ERI3: variants seen among roughly 807,000 people sequenced by gnomAD.
The protein encoded by ERI3 is ERI1 exoribonuclease family member 3.
Under a neutral mutation model 44.4 loss-of-function variants are expected in ERI3, and 18 were observed. The ratio of observed to expected loss-of-function variants is 0.41; its 90% CI spans 0.28 to 0.60. The LOEUF (loss-of-function observed/expected upper bound fraction) is 0.60, where lower values mean the gene tolerates loss of function less well. Among genes scored for constraint, ERI3 ranks in the 20% least tolerant of loss-of-function variants. The pLI, the probability that ERI3 is intolerant of heterozygous loss-of-function variation, is 0.36. For missense variants in ERI3, 294 were observed against 435.5 expected (o/e 0.68, Z 2.89); for synonymous variants, 183 against 164.8 (o/e 1.11, Z -0.84).
At chr1:44,272,455 G>A (rs750465927) in intron 7 of ERI3, among the ~76,000 whole-genome samples, 20 of 152,142 alleles carry the variant, frequency 1.3e-4, no homozygotes, top group Non-Finnish European at 2.2e-4. Context: ...AGGACTCAGC[G>A]TATATACCAT....
intron 3 of ERI3, among the ~76,000 whole-genome samples, chr1:44,333,065 A>G (rs781679545): frequency 1.3e-5 from 2 of 152,174 alleles, no homozygotes; most frequent in Non-Finnish European, 2.9e-5. Flanking sequence ...GTACAAGAAC[A>G]CTTACAGCTC....
At chr1:44,257,862 C>G (rs1338977369) in intron 7 of ERI3, among the ~76,000 whole-genome samples, 1 of 152,216 alleles carries the variant, frequency 6.6e-6, no homozygotes, top group African/African-American at 2.4e-5. Context: ...CTCGCAGAAG[C>G]TGGCCCTTCA....
intron 8 of ERI3, among the ~76,000 whole-genome samples, chr1:44,222,864 T>G (rs1180154562): frequency 6.6e-6 from 1 of 152,186 alleles, no homozygotes; most frequent in Non-Finnish European, 1.5e-5. Flanking sequence ...GGGGGGGTAT[T>G]AAGGTCAAGG....
rs772172859 is a variant in ERI3 at position 44,238,827 on chromosome 1, G to A, written c.931+9112C>T. Among the ~76,000 whole-genome samples the A allele has an allele frequency of 2.6e-5, 4 of 152,148 alleles. No individual in the cohort carries two copies. The South Asian group carries it at 6.2e-4, about 24-fold the overall frequency. On this transcript the variant is annotated intron_variant, in intron 8 of 8. Coordinates refer to ENST00000372257, the MANE Select transcript of ERI3 (RefSeq NM_024066.3). ...CTGCATCTACCCTGCAGGAGGAGGGGAGGAAGAGTCCCCTCCTCCTCCTCC... is the reference window on the plus strand; with the variant it reads ...CTGCATCTACCCTGCAGGAGGAGGGAAGGAAGAGTCCCCTCCTCCTCCTCC...
At chr1:44,337,649 G>A (rs1240741413) in intron 3 of ERI3, among the ~76,000 whole-genome samples, 8 of 152,156 alleles carry the variant, frequency 5.3e-5, no homozygotes, top group Admixed American at 4.6e-4. Context: ...GTGCCTCAAA[G>A]GCAGACCAAT....
In ERI3 at chr1:44,246,825, G is replaced by A. The variant is rs547335540; in HGVS notation, c.931+1114C>T. On this transcript the variant is annotated intron_variant, in intron 8 of 8. Transcript: ENST00000372257. ...TCCACAAGGTACCAGTGAATGTCTG[G>A]AATGGATAAAGGATCTACTCTGAAG... Among the ~76,000 whole-genome samples the A allele has an allele frequency of 4.6e-5, 7 of 152,306 alleles. No homozygotes were observed. In the South Asian group the frequency reaches 1.4e-3, roughly 32 times the overall value.
intron 8 of ERI3, among the ~76,000 whole-genome samples, chr1:44,245,246 C>T (rs1370869945): frequency 6.6e-6 from 1 of 152,220 alleles, no homozygotes; most frequent in Non-Finnish European, 1.5e-5. Context: ...GCCTCCCCTT[C>T]CCCGCCTCTC....
intron 3 of ERI3, among the ~76,000 whole-genome samples, chr1:44,335,524 C>G (rs1472113978): frequency 2.6e-5 from 4 of 152,036 alleles, no homozygotes; most frequent in Non-Finnish European, 4.4e-5. Context: ...CTTTGGGAGG[C>G]TGAGGCGGGT....
intron 2 of ERI3, among the ~76,000 whole-genome samples, 157 bp downstream of exon 2, chr1:44,352,693 T>C (rs978162787): frequency 3.3e-5 from 5 of 152,168 alleles, no homozygotes; most frequent in African/African-American, 9.7e-5. Context: ...CATATGTTAC[T>C]TTATCAGAAG....
chr1:44,288,848 A>G (rs1044897097), intron 6 of ERI3, among the ~76,000 whole-genome samples: 8 of 149,812 alleles, frequency 5.3e-5, no homozygotes, highest in African/African-American at 1.2e-4. Context: ...ATTTCTCAGA[A>G]AAAAAAAAAA....
At chr1:44,298,848 G>A (rs941681245) in intron 6 of ERI3, among the ~76,000 whole-genome samples, 1 of 152,234 alleles carries the variant, frequency 6.6e-6, no homozygotes, top group Non-Finnish European at 1.5e-5. Flanking sequence ...AGCCCACGGA[G>A]GTAGAGGTTG....
intron 7 of ERI3, among the ~76,000 whole-genome samples, chr1:44,279,134 C>T (rs1645237538): frequency 6.6e-6 from 1 of 152,022 alleles, no homozygotes; most frequent in Non-Finnish European, 1.5e-5. Flanking sequence ...TCTCAGTGTT[C>T]TATCCTAGGC....
intron 3 of ERI3, among the ~76,000 whole-genome samples, chr1:44,325,367 G>T (rs552242707): frequency 1.3e-5 from 2 of 151,712 alleles, no homozygotes; most frequent in African/African-American, 4.8e-5. Context: ...GAGCCACCAC[G>T]CCCGGCCCCT....
chr1:44,279,441 G>A (rs1202645472), intron 7 of ERI3, among the ~76,000 whole-genome samples: 3 of 152,022 alleles, frequency 2.0e-5, no homozygotes, highest in Non-Finnish European at 4.4e-5. Context: ...GCTCAGGCTG[G>A]TCTTGAGCTC....
intron 3 of ERI3, 105 bp downstream of exon 3, chr1:44,338,940 A>G: frequency 2.2e-6 from 3 of 1,366,816 alleles, no homozygotes; most frequent in Non-Finnish European, 3.0e-6. Flanking sequence ...AGTAGCTAAA[A>G]GACAGGAAGG....
chr1:44,327,911 T>G (rs1326543045), intron 3 of ERI3, among the ~76,000 whole-genome samples: 1 of 152,144 alleles, frequency 6.6e-6, no homozygotes, highest in Non-Finnish European at 1.5e-5. Context: ...GAAATGGCGG[T>G]GAGTAACAAG....
chr1:44,347,062 C>T (rs1325223948), intron 2 of ERI3, among the ~76,000 whole-genome samples: 1 of 152,220 alleles, frequency 6.6e-6, no homozygotes, highest in African/African-American at 2.4e-5. Context: ...ACTAAGGGCT[C>T]GGAGGTGCTC....
chr1:44,326,718 A>G (rs1238416336), intron 3 of ERI3, among the ~76,000 whole-genome samples: 1 of 152,222 alleles, frequency 6.6e-6, no homozygotes, highest in Non-Finnish European at 1.5e-5. Flanking sequence ...TCGAAGTTTC[A>G]GGACAAGGAA....
At chr1:44,266,497 A>G (rs1394202437) in intron 7 of ERI3, among the ~76,000 whole-genome samples, 1 of 152,196 alleles carries the variant, frequency 6.6e-6, no homozygotes, top group African/African-American at 2.4e-5. Context: ...AGGCACAGGA[A>G]ACAACTTATC....
Sources: gnomAD v4.1 joint callset for allele counts (sites outside exome capture counted in the v4.1 genomes callset) on GRCh38, gnomAD v4.1.1 for gene constraint, MANE v1.5 for transcripts, NCBI Gene and HGNC (gene_info 2026-07-23, HGNC 2026-07-21) for gene names.